The following RIT2 variants were observed in gnomAD, a reference collection of about 807,000 sequenced individuals.
The protein encoded by RIT2 is GTP-binding protein Rit2.
In RIT2, 24 loss-of-function variants were observed where a neutral mutation model predicts 23.7. That is an observed-to-expected ratio of 1.01 (90% confidence interval 0.73 to 1.43). The LOEUF (loss-of-function observed/expected upper bound fraction) is 1.43. RIT2 is among the 40% of genes most tolerant of loss of function. The pLI, the probability that RIT2 is intolerant of heterozygous loss-of-function variation, is 0.00. For synonymous variants in RIT2, 107 were observed against 91.1 expected, an observed-to-expected ratio of 1.17 and a Z score of -0.99; for missense variants, 236 against 266.9, an observed-to-expected ratio of 0.88 and a Z score of 0.81.
At chr18:42,949,711 G>A (rs147307335) in intron 3 of RIT2, among the ~76,000 whole-genome samples, 103 of 152,140 alleles carry the variant, frequency 6.8e-4, no homozygotes, top group African/African-American at 2.4e-3. Context: ...AATATTCAGA[G>A]GTACAGAACT....
chr18:42,982,437 T>C (rs1054942100), intron 2 of RIT2, among the ~76,000 whole-genome samples: 3 of 152,116 alleles, frequency 2.0e-5, no homozygotes, highest in Non-Finnish European at 4.4e-5. Context: ...AAATAATGCT[T>C]TACCAGGCTT....
chr18:42,843,121 A>G lies in RIT2; in HGVS notation c.426+80451T>C, dbSNP rs867668061. Among the ~76,000 whole-genome samples, 31 of 152,352 alleles carry G rather than the reference A, an allele frequency of 2.0e-4. No individual in the cohort carries two copies. The Middle Eastern group carries it at 0.031, about 150-fold the overall frequency. The stretch of plus-strand genomic sequence containing the variant: ...GTGAAGTCTTTATAATTAAATAGCC[A>G]TGACTAGCAGACAAAGCAGTAGGTA... On this transcript the variant is annotated intron_variant, in intron 4 of 4. Transcript: ENST00000326695.
intron 1 of RIT2, among the ~76,000 whole-genome samples, chr18:43,098,827 C>A (rs1160572255): frequency 6.6e-6 from 1 of 151,896 alleles, no homozygotes; most frequent in Non-Finnish European, 1.5e-5. Context: ...AGGAATGGAC[C>A]AGGATTTAAA....
At chr18:42,885,933 T>G (rs1390561495) in intron 4 of RIT2, among the ~76,000 whole-genome samples, 1 of 152,248 alleles carries the variant, frequency 6.6e-6, no homozygotes, top group African/African-American at 2.4e-5. Flanking sequence ...ATTCATTCTC[T>G]GACATTATCA....
intron 1 of RIT2, among the ~76,000 whole-genome samples, chr18:43,092,443 T>G (rs1913445169): frequency 6.6e-6 from 1 of 152,118 alleles, no homozygotes; most frequent in South Asian, 2.1e-4. Flanking sequence ...TAAAATCTAT[T>G]TAACTAAAAT....
chr18:42,967,261 T>A (rs892114204), intron 3 of RIT2, among the ~76,000 whole-genome samples: 1 of 152,142 alleles, frequency 6.6e-6, no homozygotes, highest in Admixed American at 6.5e-5. Context: ...TTGGCTTCTA[T>A]AAATCTTTTG....
rs115832890 is a variant in RIT2 at position 42,970,174 on chromosome 18, A to G, written c.234+3900T>C. 5.0e-3 allele frequency among the ~76,000 whole-genome samples: 758 copies of G among 152,180 alleles called. 5 individuals are homozygous for G. Among genetic ancestry groups the G allele is most frequent in the African/African-American group, 0.016 (654 of 41,558 alleles). ...CCTTGCATTTTCCACGTATGTAATGAGTAATTTTTTTTTTCAGGAGATAGA... is the reference window on the plus strand; with the variant it reads ...CCTTGCATTTTCCACGTATGTAATGGGTAATTTTTTTTTTCAGGAGATAGA... On this transcript the variant is annotated intron_variant, in intron 3 of 4. Transcript: ENST00000326695.
chr18:42,757,540 C>G (rs942853594), intron 4 of RIT2, among the ~76,000 whole-genome samples: 2 of 152,192 alleles, frequency 1.3e-5, no homozygotes, highest in Non-Finnish European at 2.9e-5. Context: ...TACAAAAGTT[C>G]TAACCCTAGT....
At chr18:42,998,459 G>C (rs4643423) in intron 2 of RIT2, among the ~76,000 whole-genome samples, 145,039 of 152,106 alleles carry the variant, frequency 0.95, 69,519 homozygotes, top group East Asian at 1. Flanking sequence ...ACTCTTTTTA[G>C]CCCATAAGCT....
At chr18:42,866,570 T>C (rs1907475261) in intron 4 of RIT2, among the ~76,000 whole-genome samples, 1 of 151,976 alleles carries the variant, frequency 6.6e-6, no homozygotes, top group Admixed American at 6.6e-5. Context: ...CTAGGTCTTA[T>C]GCCCTTGGGA....
chr18:42,868,787 C>A (rs1907538864), intron 4 of RIT2, among the ~76,000 whole-genome samples: 1 of 152,168 alleles, frequency 6.6e-6, no homozygotes, highest in Admixed American at 6.5e-5. Context: ...TTAATTTACT[C>A]TTGGTAGTAT....
intron 3 of RIT2, among the ~76,000 whole-genome samples, chr18:42,923,971 A>AT (rs901659281): frequency 6.5e-4 from 98 of 151,382 alleles, no homozygotes; most frequent in African/African-American, 1.3e-3. Flanking sequence ...TATAAAGATG[A>AT]TTTTTTTTTA....
chr18:43,029,994 T>C (rs1211595781), intron 2 of RIT2, among the ~76,000 whole-genome samples: 1 of 152,028 alleles, frequency 6.6e-6, no homozygotes, highest in Non-Finnish European at 1.5e-5. Flanking sequence ...GATTAATGCT[T>C]TCCTAGAAAT....
chr18:42,987,035 C>T (rs1235772836), intron 2 of RIT2, among the ~76,000 whole-genome samples: 3 of 152,016 alleles, frequency 2.0e-5, no homozygotes, highest in African/African-American at 7.3e-5. Flanking sequence ...AATGGTTCAA[C>T]CAGTTTAGAA....
At position 42,888,214 on chromosome 18, in the gene RIT2, G is replaced by A. The variant is rs182230888; in HGVS notation, c.426+35358C>T. On this transcript the variant is annotated intron_variant, in intron 4 of 4. Transcript: ENST00000326695. ...TTTGTAACGAATATACCACTGTGGC[G>A]GGGGATTTTAATTGTGTGGGGGAAG... Among the ~76,000 whole-genome samples the A allele has an allele frequency of 2.1e-3, 316 of 151,788 alleles. 1 individual carries two copies. The highest frequency in any genetic ancestry group is 3.4e-3 in the Middle Eastern group (1 of 292).
intron 4 of RIT2, among the ~76,000 whole-genome samples, chr18:42,748,036 C>A (rs1274775905): frequency 6.6e-6 from 1 of 151,856 alleles, no homozygotes; most frequent in Non-Finnish European, 1.5e-5. Context: ...AAGATAAATA[C>A]TTGGGACTTA....
At chr18:43,109,899 C>A (rs570013281) in intron 1 of RIT2, among the ~76,000 whole-genome samples, 2 of 152,282 alleles carry the variant, frequency 1.3e-5, no homozygotes, top group South Asian at 4.1e-4. Flanking sequence ...ATAAAGTTCT[C>A]ATCTGACATT....
At chr18:43,111,265 G>A (rs1913946173) in intron 1 of RIT2, among the ~76,000 whole-genome samples, 2 of 152,098 alleles carry the variant, frequency 1.3e-5, no homozygotes, top group Non-Finnish European at 2.9e-5. Flanking sequence ...TTTAATTCAT[G>A]GAGATAGTAG....
intron 4 of RIT2, among the ~76,000 whole-genome samples, chr18:42,903,950 A>C (rs1908545437): frequency 6.6e-6 from 1 of 152,174 alleles, no homozygotes; most frequent in Non-Finnish European, 1.5e-5. Flanking sequence ...TGGCAGAAGA[A>C]AAGTCCAAGA....
Sources: gnomAD v4.1 joint callset for allele counts (sites outside exome capture counted in the v4.1 genomes callset) on GRCh38, gnomAD v4.1.1 for gene constraint, MANE v1.5 for transcripts, NCBI Gene and HGNC (gene_info 2026-07-23, HGNC 2026-07-21) for gene names.